CPM: variants seen among roughly 807,000 people sequenced by gnomAD.
CPM encodes the protein renal carboxypeptidase.
A neutral mutation model predicts 46.4 loss-of-function variants in CPM; 35 were observed. That is an observed-to-expected ratio of 0.75 (90% CI 0.58 to 1.00). CPM has a LOEUF of 1.00. Ranked by LOEUF, CPM falls within the 50% of genes least tolerant of loss-of-function variation. CPM has a pLI of 0.00. For missense variants in CPM, 422 were observed against 530.4 expected (o/e 0.80, Z 2.01); for synonymous variants, 195 against 195.3 (o/e 1.00, Z 0.01).
At chr12:68,891,957 G>A (rs1011832059) in intron 2 of CPM, among the ~76,000 whole-genome samples, 2 of 152,048 alleles carry the variant, frequency 1.3e-5, no homozygotes, top group Admixed American at 6.6e-5. Flanking sequence ...GGCTGGTCTC[G>A]AACTCCTGAC....
chr12:68,922,215 T>C (rs529566465), intron 2 of CPM, among the ~76,000 whole-genome samples: 3 of 152,330 alleles, frequency 2.0e-5, no homozygotes, highest in African/African-American at 2.4e-5. Context: ...GTCTCTAACA[T>C]TTATTCGTGC....
chr12:68,885,669 C>G (rs1325354471), intron 3 of CPM, 123 bp downstream of exon 3: 29 of 773,382 alleles, frequency 3.7e-5, no homozygotes, highest in Non-Finnish European at 5.7e-5. Context: ...CTGGGCCTTG[C>G]TTCTTTGTAC....
chr12:68,934,986 C>T (rs1370954516), upstream of CPM, among the ~76,000 whole-genome samples: 1 of 152,000 alleles, frequency 6.6e-6, no homozygotes, highest in Non-Finnish European at 1.5e-5. Context: ...GATCTCGGCT[C>T]ACTGCAACCT....
At chr12:68,885,147 G>A (rs1886375054) in intron 3 of CPM, among the ~76,000 whole-genome samples, 1 of 152,102 alleles carries the variant, frequency 6.6e-6, no homozygotes, top group Non-Finnish European at 1.5e-5. Flanking sequence ...GTTTCACCAT[G>A]TTGGCCAGGC....
chr12:68,870,714 G>A (rs562184287), intron 4 of CPM, among the ~76,000 whole-genome samples: 5 of 152,228 alleles, frequency 3.3e-5, no homozygotes, highest in African/African-American at 1.2e-4. Context: ...TGGTCGCCAC[G>A]TGGAGAGTCC....
chr12:68,932,858 T>C lies in CPM; in HGVS notation c.-3-18A>G. ...TCCATGTTCTAGAGATGAATAAAAA[T>C]AAGAAGAACCTGAGAACACATGAGG... On this transcript the variant is annotated intron_variant, in intron 1 of 8. Transcript: ENST00000551568. 6.2e-7 allele frequency: 1 copy of C among 1,611,572 alleles called. No homozygotes were observed. Among genetic ancestry groups the C allele is most frequent in the East Asian group, 2.2e-5 (1 of 44,814 alleles).
At chr12:68,923,925 TG>T (rs1275223080) in intron 2 of CPM, among the ~76,000 whole-genome samples, 2 of 151,724 alleles carry the variant, frequency 1.3e-5, no homozygotes, top group African/African-American at 4.9e-5. Flanking sequence ...TTAAAACTGT[TG>T]GGGGGAAATA....
At chr12:68,934,473 A>G (rs1888632524), upstream of CPM, among the ~76,000 whole-genome samples, 1 of 152,184 alleles carries the variant, frequency 6.6e-6, no homozygotes, top group Admixed American at 6.5e-5. Flanking sequence ...ATTCTGCCGC[A>G]GCATAGAAGA....
chr12:68,870,450 G>T, intron 4 of CPM, 51 bp from the exon 5 acceptor site: 1 of 1,501,820 alleles, frequency 6.7e-7, no homozygotes, highest in Non-Finnish European at 9.1e-7. Context: ...TGAGGGAGTG[G>T]ATTCTTACAG....
At chr12:68,930,678 C>T (rs1325002067) in intron 2 of CPM, among the ~76,000 whole-genome samples, 1 of 152,196 alleles carries the variant, frequency 6.6e-6, no homozygotes, top group Non-Finnish European at 1.5e-5. Context: ...ACTCCTCAAG[C>T]CTTTAACCGC....
chr12:68,867,761 C>T (rs1292016609), intron 6 of CPM, among the ~76,000 whole-genome samples: 1 of 152,196 alleles, frequency 6.6e-6, no homozygotes, highest in Admixed American at 6.5e-5. Flanking sequence ...AACGGCCCGG[C>T]CCCCTGTGGA....
At chr12:68,909,404 A>C (rs757918986) in intron 2 of CPM, among the ~76,000 whole-genome samples, 8 of 152,168 alleles carry the variant, frequency 5.3e-5, no homozygotes, top group Non-Finnish European at 7.3e-5. Flanking sequence ...GAATGGAAAA[A>C]AATTAGTGTT....
intron 1 of CPM, among the ~76,000 whole-genome samples, chr12:68,957,934 A>C (rs1164719042): frequency 6.6e-6 from 1 of 151,274 alleles, no homozygotes; most frequent in Non-Finnish European, 1.5e-5. Context: ...GAGTGAGAAC[A>C]TGTGGTGTTT....
chr12:68,842,455 TA>T, intron 5 of CPM: 3 of 427,766 alleles, frequency 7.0e-6, no homozygotes, highest in African/African-American at 2.1e-5. Context: ...TTAGAACCTC[TA>T]AATTATTGAC....
intron 2 of CPM, among the ~76,000 whole-genome samples, chr12:68,929,088 T>C (rs1888394999): frequency 6.6e-6 from 1 of 152,076 alleles, no homozygotes; most frequent in Admixed American, 6.5e-5. Flanking sequence ...AGAGCAGTTC[T>C]TTCATTGCTA....
At chr12:68,884,672 G>C (rs1055061937) in intron 3 of CPM, among the ~76,000 whole-genome samples, 3 of 152,216 alleles carry the variant, frequency 2.0e-5, no homozygotes, top group Non-Finnish European at 4.4e-5. Context: ...CCACATTCCT[G>C]TGCAAAGTTT....
At chr12:68,935,053 G>A (rs1353453177), upstream of CPM, among the ~76,000 whole-genome samples, 1 of 152,012 alleles carries the variant, frequency 6.6e-6, no homozygotes, top group South Asian at 2.1e-4. Flanking sequence ...CGGATTACAG[G>A]CACCTGCCAC....
At position 68,862,708 on chromosome 12, in the gene CPM, AT is replaced by A. The variant is rs528792175; in HGVS notation, c.941-3638del. Among the ~76,000 whole-genome samples the A allele has an allele frequency of 2.0e-3, 299 of 150,970 alleles. 51 individuals are homozygous for A. The highest frequency in any genetic ancestry group is 7.1e-3 in the African/African-American group (291 of 40,860). On this transcript the variant is annotated intron_variant, in intron 7 of 8. Transcript: ENST00000551568. ...TTTAGCTTGTATATGTCTTTACAAT[AT>A]TTTGTCTACATACCACCAAACCTTT...
intron 8 of CPM, among the ~76,000 whole-genome samples, chr12:68,857,269 T>C (rs1233108129): frequency 1.3e-5 from 2 of 151,944 alleles, no homozygotes; most frequent in East Asian, 1.9e-4. Context: ...CAAGCGATTC[T>C]CCTACCTCAG....
Sources: allele counts gnomAD v4.1 joint callset (sites outside exome capture counted in the v4.1 genomes callset), GRCh38; gene constraint gnomAD v4.1.1; transcripts MANE v1.5; gene names NCBI Gene and HGNC (gene_info 2026-07-23, HGNC 2026-07-21).